The following OR2AT4 variants were observed in gnomAD, a reference collection of about 807,000 sequenced individuals.
OR2AT4 encodes the protein olfactory receptor 2AT4.
Under a neutral mutation model 10.3 loss-of-function variants are expected in OR2AT4, and 6 were observed. The observed-to-expected ratio is 0.58, with a 90% CI of 0.32 to 1.15. The LOEUF (loss-of-function observed/expected upper bound fraction) is 1.15. OR2AT4 is among the 50% of genes most tolerant of loss of function. The pLI, the probability that OR2AT4 is intolerant of heterozygous loss-of-function variation, is 0.05. For synonymous variants in OR2AT4, 145 were observed against 159.1 expected (o/e 0.91, Z 0.67); for missense variants, 354 against 393.8 (o/e 0.90, Z 0.85).
exon 2 of OR2AT4, chr11:75,089,922 T>A: frequency 1.9e-6 from 1 of 523,088 alleles, no homozygotes; most frequent in East Asian, 2.9e-5. Context: ...GCAAAATTTG[T>A]CAAATATTGA....
chr11:75,095,216 C>T (rs921049408), intron 1 of OR2AT4, among the ~76,000 whole-genome samples: 3 of 152,190 alleles, frequency 2.0e-5, no homozygotes, highest in African/African-American at 7.2e-5. Context: ...CTGGCTCCCA[C>T]CCAGTCTTTG....
exon 2 of OR2AT4, chr11:75,086,099 T>A (rs577296506): frequency 9.9e-5 from 15 of 152,226 alleles, no homozygotes; most frequent in African/African-American, 3.1e-4. Flanking sequence ...GAATGGTTTA[T>A]AACAAATGGT....
chr11:75,095,356 G>A (rs374939674), intron 1 of OR2AT4, among the ~76,000 whole-genome samples: 14 of 152,274 alleles, frequency 9.2e-5, no homozygotes, highest in African/African-American at 3.4e-4. Context: ...GCCAAATTCA[G>A]CTCAAATATT....
intron 1 of OR2AT4, among the ~76,000 whole-genome samples, chr11:75,093,825 T>C (rs1418125661): frequency 8.9e-6 from 1 of 112,696 alleles, no homozygotes; most frequent in East Asian, 2.4e-4. Flanking sequence ...TTTTTTTTTT[T>C]TTTTTTTTTT....
exon 2 of OR2AT4, chr11:75,087,312 C>T (rs1401758045): frequency 1.2e-4 from 18 of 152,146 alleles, no homozygotes; most frequent in Admixed American, 1.2e-3. Context: ...TTGAAACTCT[C>T]TGTAAATATA....
At chr11:75,093,370 A>C (rs1245668174) in intron 1 of OR2AT4, among the ~76,000 whole-genome samples, 2 of 152,214 alleles carry the variant, frequency 1.3e-5, no homozygotes, top group African/African-American at 4.8e-5. Context: ...GTACTACAGG[A>C]GTCTGAAAAC....
At chr11:75,088,699 G>A in exon 2 of OR2AT4, 3 of 1,503,402 alleles carry the variant, frequency 2.0e-6, no homozygotes, top group South Asian at 2.7e-5. Flanking sequence ...CTTTCTCTGT[G>A]CTAAGCACTG....
rs534673457 is a variant in OR2AT4, at chr11:75,091,842, G to A, written c.-651-1478C>T. Among the ~76,000 whole-genome samples the A allele has an allele frequency of 2.8e-4, 42 of 152,238 alleles. 1 individual carries two copies. Among genetic ancestry groups the A allele is most frequent in the African/African-American group, 9.4e-4 (39 of 41,564 alleles). ...GAGTTTTGGTTACATGTATGTTTAC[G>A]AAAGTTTATTGAATTGTATACATAA... On this transcript the variant is annotated intron_variant, in intron 1 of 1. Transcript: ENST00000641504.
chr11:75,083,300 C>T (rs1256902208), exon 2 of OR2AT4: 2 of 152,118 alleles, frequency 1.3e-5, no homozygotes, highest in African/African-American at 4.8e-5. Context: ...TGAAAAAATG[C>T]TCAACATCAC....
At chr11:75,089,472 G>T (rs748282068) in exon 2 of OR2AT4, 7 of 1,614,244 alleles carry the variant, frequency 4.3e-6, no homozygotes, top group Admixed American at 3.3e-5. Flanking sequence ...GGGGACAGTG[G>T]TTGTGGTGAA....
chr11:75,088,945 A>T, exon 2 of OR2AT4: 2 of 1,614,226 alleles, frequency 1.2e-6, no homozygotes, highest in Non-Finnish European at 1.7e-6. Flanking sequence ...ATAGATGAGT[A>T]GTAGGTGCCC....
At chr11:75,089,204 C>G in exon 2 of OR2AT4, 2 of 1,614,158 alleles carry the variant, frequency 1.2e-6, no homozygotes, top group Non-Finnish European at 1.7e-6. Context: ...TATATGCCAT[C>G]TGGGAGGTCC....
exon 2 of OR2AT4, chr11:75,090,004 A>G: frequency 3.1e-6 from 1 of 324,574 alleles, no homozygotes; most frequent in Non-Finnish European, 5.6e-6. Context: ...GATCAAATTG[A>G]AGAAGGCAGG....
chr11:75,088,921 C>T lies in OR2AT4; in HGVS notation c.793G>A (p.Val265Met), dbSNP rs138952025. ...AGGGGCAGGTCAGCCCTGTAGGCCA[C>T]GTAGGCTATGGCAATAGATGAGTAG... Residue 265 changes from valine (V) to methionine (M), a missense_variant, in exon 2 of 2, where the codon GTG becomes ATG. Coordinates refer to ENST00000641504, the Ensembl canonical transcript of OR2AT4. The T allele has an allele frequency of 3.5e-5, 56 of 1,614,090 alleles. No individual in the cohort carries two copies. The highest frequency in any genetic ancestry group is 2.8e-4 in the African/African-American group (21 of 75,034).
At chr11:75,093,621 T>C (rs1281992609) in intron 1 of OR2AT4, among the ~76,000 whole-genome samples, 2 of 152,142 alleles carry the variant, frequency 1.3e-5, no homozygotes, top group Non-Finnish European at 1.5e-5. Context: ...GTTTACATCA[T>C]TGTCTCTTGA....
chr11:75,085,964 C>G (rs1012323361), exon 2 of OR2AT4: 2 of 151,988 alleles, frequency 1.3e-5, no homozygotes, highest in African/African-American at 2.4e-5. Flanking sequence ...TATTCAAGAC[C>G]GTGTGGTATC....
At chr11:75,093,261 C>G (rs118074720) in intron 1 of OR2AT4, among the ~76,000 whole-genome samples, 53 of 152,344 alleles carry the variant, frequency 3.5e-4, no homozygotes, top group Non-Finnish European at 6.6e-4. Flanking sequence ...AAGAGCATGA[C>G]TTTTCATCTC....
chr11:75,089,093 G>A (rs117824389), exon 2 of OR2AT4: 24,757 of 1,613,820 alleles, frequency 0.015, 234 homozygotes, highest in Middle Eastern at 0.027. Flanking sequence ...CCACCATGGC[G>A]ATGCAGAAGC....
exon 2 of OR2AT4, chr11:75,088,770 C>A: frequency 6.4e-7 from 1 of 1,567,376 alleles, no homozygotes; most frequent in Non-Finnish European, 8.7e-7. Flanking sequence ...CCTGTCACAG[C>A]CTGGGTCTTG....
Sources: allele counts gnomAD v4.1 joint callset (sites outside exome capture counted in the v4.1 genomes callset), GRCh38; gene constraint gnomAD v4.1.1; transcripts MANE v1.5; gene names NCBI Gene and HGNC (gene_info 2026-07-23, HGNC 2026-07-21).